Variants in ARHGAP17 observed in about 807,000 individuals in gnomAD.
The protein encoded by ARHGAP17 is Rho GTPase activating protein 17.
In ARHGAP17, 57 loss-of-function variants were observed where a neutral mutation model predicts 99.5. The ratio of observed to expected loss-of-function variants is 0.57; its 90% CI spans 0.46 to 0.71. The LOEUF (loss-of-function observed/expected upper bound fraction) is 0.71, where lower values mean the gene tolerates loss of function less well. Ranked by LOEUF, ARHGAP17 falls within the 30% of genes least tolerant of loss-of-function variation. The probability of loss-of-function intolerance (pLI) is 0.00; values close to 1 mark genes in which losing one functional copy is unlikely to be tolerated. For synonymous variants in ARHGAP17, 417 were observed against 429.6 expected (o/e 0.97, Z 0.36); for missense variants, 1,000 against 1,122.4 (o/e 0.89, Z 1.56).
At chr16:24,944,122 T>C (rs1282841226) in intron 14 of ARHGAP17, among the ~76,000 whole-genome samples, 3 of 151,524 alleles carry the variant, frequency 2.0e-5, no homozygotes, top group African/African-American at 7.3e-5. Flanking sequence ...AATACAAAAA[T>C]TAGCCAGGCG....
chr16:24,953,448 G>T lies in ARHGAP17; in HGVS notation c.853-406C>A, dbSNP rs34424587. Among the ~76,000 whole-genome samples, 967 of 152,278 alleles carry T rather than the reference G, an allele frequency of 6.4e-3. 6 individuals are homozygous for T. Among genetic ancestry groups the T allele is most frequent in the Admixed American group, 8.1e-3 (124 of 15,296 alleles). On this transcript the variant is annotated intron_variant, in intron 10 of 19. Coordinates refer to ENST00000289968, the MANE Select transcript of ARHGAP17 (RefSeq NM_001006634.3). ...CTGGTGGGAGGTGACTGGATCATGG[G>T]GGTGGATTTCCCTTTTGCTGTTCTT... is the stretch of plus-strand genomic sequence containing the variant.
At chr16:24,947,961 C>T (rs568201648) in intron 13 of ARHGAP17, among the ~76,000 whole-genome samples, 1 of 152,194 alleles carries the variant, frequency 6.6e-6, no homozygotes, top group East Asian at 1.9e-4. Flanking sequence ...AGTTATATTG[C>T]TTACAGGAAA....
At position 24,930,302 on chromosome 16, in the gene ARHGAP17, C is replaced by A. The variant is rs976436293; in HGVS notation, c.2515+482G>T. Among the ~76,000 whole-genome samples, 26 of 152,146 alleles carry A rather than the reference C, an allele frequency of 1.7e-4. 1 individual carries two copies. The highest frequency in any genetic ancestry group is 3.8e-4 in the Non-Finnish European group (26 of 68,012). On this transcript the variant is annotated intron_variant, in intron 19 of 19. Transcript: ENST00000289968. ...TTAAAGTTATACCTGAAATTCTGTACTTAATATGAACACTTTTACTCTTAG... is the reference window on the plus strand; with the variant it reads ...TTAAAGTTATACCTGAAATTCTGTAATTAATATGAACACTTTTACTCTTAG...
At chr16:24,939,765 T>A (rs1443381537) in intron 16 of ARHGAP17, 168 bp from the exon 17 acceptor site, 1 of 689,222 alleles carries the variant, frequency 1.5e-6, no homozygotes, top group Non-Finnish European at 2.5e-6. Flanking sequence ...GCAACTCCAC[T>A]CGGCTTCAAG....
At chr16:24,933,962 TC>T (rs1182466355) in intron 18 of ARHGAP17, among the ~76,000 whole-genome samples, 1 of 152,054 alleles carries the variant, frequency 6.6e-6, no homozygotes, top group Non-Finnish European at 1.5e-5. Context: ...AAGACTAACT[TC>T]CCTCAAGGAT....
chr16:24,935,410 A>G (rs2051107972), intron 18 of ARHGAP17, 60 bp downstream of exon 18: 1 of 1,501,822 alleles, frequency 6.7e-7, no homozygotes, highest in Non-Finnish European at 9.0e-7. Context: ...GAATCCTTGC[A>G]CTAACTTAAG....
intron 3 of ARHGAP17, among the ~76,000 whole-genome samples, chr16:24,975,508 G>A (rs376077774): frequency 6.6e-6 from 1 of 152,162 alleles, no homozygotes. Flanking sequence ...TGGTTCCGAG[G>A]GACAGAGCTT....
intron 18 of ARHGAP17, 142 bp from the exon 19 acceptor site, chr16:24,931,546 C>T (rs2050992853): frequency 2.6e-6 from 2 of 775,994 alleles, no homozygotes; most frequent in Non-Finnish European, 3.7e-6. Context: ...AGGAGGGCAC[C>T]ACACTGTGTC....
intron 16 of ARHGAP17, 134 bp from the exon 17 acceptor site, chr16:24,939,731 G>GA: frequency 1.0e-6 from 1 of 957,446 alleles, no homozygotes; most frequent in East Asian, 2.6e-5. Flanking sequence ...AAGCGGCAAG[G>GA]ACCAGACTAA....
At chr16:24,948,360 A>G (rs1258502621) in intron 13 of ARHGAP17, among the ~76,000 whole-genome samples, 2 of 152,224 alleles carry the variant, frequency 1.3e-5, no homozygotes, top group Non-Finnish European at 2.9e-5. Flanking sequence ...GAGAGGATAT[A>G]TAAGAAACTG....
chr16:24,984,490 T>A (rs2052797275), intron 1 of ARHGAP17, among the ~76,000 whole-genome samples: 1 of 151,308 alleles, frequency 6.6e-6, no homozygotes, highest in Non-Finnish European at 1.5e-5. Flanking sequence ...CCGTCTCTAC[T>A]AAAAATACAA....
chr16:25,015,172 G>T, intron 1 of ARHGAP17, 37 bp downstream of exon 1: 2 of 1,256,180 alleles, frequency 1.6e-6, no homozygotes, highest in Non-Finnish European at 2.0e-6. Flanking sequence ...TCCGCCCCCA[G>T]CCCCGGTGCG....
chr16:24,995,497 GA>G, intron 1 of ARHGAP17, among the ~76,000 whole-genome samples: 1 of 152,198 alleles, frequency 6.6e-6, no homozygotes, highest in Non-Finnish European at 1.5e-5. Context: ...GGCTGGGGGA[GA>G]ACCCCACCCC....
chr16:24,940,154 C>T (rs2051272123), intron 16 of ARHGAP17, among the ~76,000 whole-genome samples: 1 of 152,130 alleles, frequency 6.6e-6, no homozygotes, highest in Non-Finnish European at 1.5e-5. Flanking sequence ...AAACTCCTGG[C>T]CTCAAGTATT....
intron 19 of ARHGAP17, among the ~76,000 whole-genome samples, chr16:24,924,878 TA>T (rs754997493): frequency 8.1e-4 from 118 of 145,430 alleles, no homozygotes; most frequent in African/African-American, 2.6e-3. Context: ...TAAAAAAAAA[TA>T]AAAAAAAAAG....
chr16:24,974,104 T>C (rs1465208218), intron 3 of ARHGAP17, among the ~76,000 whole-genome samples: 1 of 152,232 alleles, frequency 6.6e-6, no homozygotes, highest in African/African-American at 2.4e-5. Flanking sequence ...AGATACTTCC[T>C]GTGTGGAACT....
At chr16:24,989,427 A>T (rs554928406) in intron 1 of ARHGAP17, among the ~76,000 whole-genome samples, 1 of 152,356 alleles carries the variant, frequency 6.6e-6, no homozygotes, top group Non-Finnish European at 1.5e-5. Context: ...TAGTAAAAAT[A>T]AAAACTAGTG....
At chr16:24,996,944 A>C (rs2053210658) in intron 1 of ARHGAP17, among the ~76,000 whole-genome samples, 1 of 152,164 alleles carries the variant, frequency 6.6e-6, no homozygotes, top group Non-Finnish European at 1.5e-5. Context: ...TGTTCTGTCT[A>C]GAATATGGAG....
intron 15 of ARHGAP17, 93 bp from the exon 16 acceptor site, chr16:24,942,236 CTT>C: frequency 3.1e-6 from 4 of 1,277,282 alleles, no homozygotes; most frequent in Non-Finnish European, 4.3e-6. Flanking sequence ...GAACCTCGTT[CTT>C]CAGTCCACAG....
Sources: gnomAD v4.1 joint callset for allele counts (sites outside exome capture counted in the v4.1 genomes callset) on GRCh38, gnomAD v4.1.1 for gene constraint, MANE v1.5 for transcripts, NCBI Gene and HGNC (gene_info 2026-07-23, HGNC 2026-07-21) for gene names.